The following PYHIN1 variants were observed in gnomAD, a reference collection of about 807,000 sequenced individuals.
The protein encoded by PYHIN1 is pyrin and HIN domain-containing protein 1.
Under a neutral mutation model 43.7 loss-of-function variants are expected in PYHIN1, and 32 were observed. That is an observed-to-expected ratio of 0.73 (90% CI 0.55 to 0.98). The LOEUF (loss-of-function observed/expected upper bound fraction) is 0.98, where lower values mean the gene tolerates loss of function less well. Ranked by LOEUF, PYHIN1 falls within the 50% of genes least tolerant of loss-of-function variation. The pLI is 0.00. For missense variants in PYHIN1, 588 were observed against 589.5 expected, an observed-to-expected ratio of 1.00 and a Z score of 0.03; for synonymous variants, 205 against 203.1, an observed-to-expected ratio of 1.01 and a Z score of -0.08.
intron 7 of PYHIN1, among the ~76,000 whole-genome samples, chr1:158,950,981 G>A (rs998245450): frequency 2.0e-5 from 3 of 152,192 alleles, no homozygotes; most frequent in Non-Finnish European, 4.4e-5. Flanking sequence ...TTAGATGAGT[G>A]TTAGTATCAA....
the PYHIN1 span, among the ~76,000 whole-genome samples, chr1:158,984,565 C>A: frequency 1.3e-5 from 2 of 152,044 alleles, no homozygotes; most frequent in African/African-American, 4.8e-5. Flanking sequence ...TATGGCCAAG[C>A]ATGTGGCCAA....
chr1:158,980,951 G>A (rs934974731), downstream of PYHIN1, among the ~76,000 whole-genome samples: 18 of 152,040 alleles, frequency 1.2e-4, no homozygotes, highest in East Asian at 5.8e-4. Context: ...TGGTCCTACC[G>A]ATACATGAAG....
At chr1:158,942,512 C>G in intron 5 of PYHIN1, 113 bp downstream of exon 5, 1 of 769,260 alleles carries the variant, frequency 1.3e-6, no homozygotes, top group Non-Finnish European at 2.0e-6. Context: ...TCAGGACTCT[C>G]TCAAAACTAC....
Position 158,945,056 on chromosome 1 carries a change from G to C in PYHIN1, c.1359+14G>C. On this transcript the variant is annotated intron_variant, in intron 7 of 8. Coordinates refer to ENST00000368140, the MANE Select transcript of PYHIN1 (RefSeq NM_152501.5). ...TCCTTCACCAAGGTACAATATCCTG[G>C]GTCCCATGACTCTTATCTCCCAAAT... 1 of 1,603,808 alleles carries C rather than the reference G, an allele frequency of 6.2e-7. No homozygotes were observed. Among genetic ancestry groups the C allele is most frequent in the Non-Finnish European group, 8.5e-7 (1 of 1,175,606 alleles).
chr1:158,966,320 C>T (rs1402565822), intron 7 of PYHIN1, among the ~76,000 whole-genome samples: 1 of 152,054 alleles, frequency 6.6e-6, no homozygotes, highest in Non-Finnish European at 1.5e-5. Context: ...GGTACCATTC[C>T]TACTAAAACT....
At chr1:158,949,688 C>T (rs1016882676) in intron 7 of PYHIN1, among the ~76,000 whole-genome samples, 2 of 152,106 alleles carry the variant, frequency 1.3e-5, no homozygotes, top group African/African-American at 4.8e-5. Context: ...CAATTTCATT[C>T]ATGTCCCTAC....
chr1:158,934,590 A>G lies in PYHIN1; in HGVS notation c.-20-2301A>G, dbSNP rs557214912. ...TGTCTTTGTATATATTTTTTCCTTCATTCTATGCTTATCAATCTGAGGACA... is the reference window on the plus strand; with the variant it reads ...TGTCTTTGTATATATTTTTTCCTTCGTTCTATGCTTATCAATCTGAGGACA... On this transcript the variant is annotated intron_variant, in intron 1 of 8. Coordinates refer to ENST00000368140, the MANE Select transcript of PYHIN1 (RefSeq NM_152501.5). Among the ~76,000 whole-genome samples the G allele has an allele frequency of 5.3e-4, 81 of 151,944 alleles. No individual in the cohort carries two copies. The Middle Eastern group carries it at 0.017, about 32-fold the overall frequency.
At chr1:158,942,805 A>C (rs1204239412) in intron 5 of PYHIN1, among the ~76,000 whole-genome samples, 1 of 152,184 alleles carries the variant, frequency 6.6e-6, no homozygotes, top group African/African-American at 2.4e-5. Flanking sequence ...TTGTTCTTTG[A>C]GGCTTGAGTT....
At chr1:158,946,697 T>C (rs1649243221) in intron 7 of PYHIN1, among the ~76,000 whole-genome samples, 1 of 152,158 alleles carries the variant, frequency 6.6e-6, no homozygotes, top group Non-Finnish European at 1.5e-5. Context: ...CCATCAGACA[T>C]TTTCAGAGTG....
intron 7 of PYHIN1, among the ~76,000 whole-genome samples, chr1:158,972,690 C>A (rs1383743920): frequency 2.0e-5 from 3 of 151,998 alleles, no homozygotes; most frequent in Non-Finnish European, 2.9e-5. Flanking sequence ...ATGGTACTCC[C>A]TTTGTCTGGA....
chr1:158,939,516 G>A (rs781227122), intron 4 of PYHIN1: 1 of 1,550,650 alleles, frequency 6.4e-7, no homozygotes, highest in Non-Finnish European at 8.7e-7. Flanking sequence ...CAGACTCACT[G>A]TCTACTGCCC....
chr1:158,934,673 T>C (rs894850533), intron 1 of PYHIN1, among the ~76,000 whole-genome samples: 2 of 152,224 alleles, frequency 1.3e-5, no homozygotes, highest in African/African-American at 4.8e-5. Context: ...ATATCTAAAT[T>C]ACACAAGAGG....
At chr1:158,958,210 G>A (rs1650080188) in intron 7 of PYHIN1, among the ~76,000 whole-genome samples, 1 of 151,646 alleles carries the variant, frequency 6.6e-6, no homozygotes, top group South Asian at 2.1e-4. Context: ...ATTCCTCAGG[G>A]ATCTAGAATT....
the PYHIN1 span, among the ~76,000 whole-genome samples, chr1:158,989,357 C>T: frequency 2.0e-5 from 3 of 152,134 alleles, no homozygotes; most frequent in Non-Finnish European, 2.9e-5. Context: ...CAAGAGCGGA[C>T]TTCTGCTGGT....
At chr1:158,968,805 G>A (rs1214703776) in intron 7 of PYHIN1, among the ~76,000 whole-genome samples, 1 of 148,758 alleles carries the variant, frequency 6.7e-6, no homozygotes, top group African/African-American at 2.6e-5. Flanking sequence ...CAACATGAAT[G>A]GAGCTGGATG....
intron 2 of PYHIN1, 141 bp downstream of exon 2, chr1:158,937,316 A>T: frequency 2.3e-6 from 2 of 888,844 alleles, no homozygotes; most frequent in Non-Finnish European, 3.3e-6. Flanking sequence ...GGTACTTCAG[A>T]TGCCAACAAG....
At chr1:158,955,964 A>G (rs909635501) in intron 7 of PYHIN1, among the ~76,000 whole-genome samples, 1 of 136,662 alleles carries the variant, frequency 7.3e-6, no homozygotes, top group Admixed American at 7.3e-5. Context: ...ATCAGAGAAT[A>G]CTACAAACAC....
At chr1:158,945,071 A>T in intron 7 of PYHIN1, 29 bp downstream of exon 7, 1 of 1,583,026 alleles carries the variant, frequency 6.3e-7, no homozygotes, top group Non-Finnish European at 8.6e-7. Flanking sequence ...CATGACTCTT[A>T]TCTCCCAAAT....
At chr1:158,939,693 A>T (rs1353008170) in intron 4 of PYHIN1, 1 of 629,584 alleles carries the variant, frequency 1.6e-6, no homozygotes, top group Admixed American at 2.7e-5. Flanking sequence ...TTGAGATCTT[A>T]TCCTCAGGGA....
Sources: gnomAD v4.1 joint callset for allele counts (sites outside exome capture counted in the v4.1 genomes callset) on GRCh38, gnomAD v4.1.1 for gene constraint, MANE v1.5 for transcripts, NCBI Gene and HGNC (gene_info 2026-07-23, HGNC 2026-07-21) for gene names.